TIAM1: variants seen among roughly 807,000 people sequenced by gnomAD.
TIAM1 encodes the protein TIAM Rac1 associated GEF 1, also known as rho guanine nucleotide exchange factor TIAM1.
In TIAM1, 65 loss-of-function variants were observed where a neutral mutation model predicts 163.5. That is an observed-to-expected ratio of 0.40 (90% CI 0.33 to 0.49). The LOEUF (loss-of-function observed/expected upper bound fraction) is 0.49, where lower values mean the gene tolerates loss of function less well. Ranked by LOEUF, TIAM1 falls within the 20% of genes least tolerant of loss-of-function variation. The pLI, the probability that TIAM1 is intolerant of heterozygous loss-of-function variation, is 0.77. For missense variants in TIAM1, 1,789 were observed against 2,044.7 expected (o/e 0.87, Z 2.41); for synonymous variants, 833 against 810.1 (o/e 1.03, Z -0.48).
intron 14 of TIAM1, among the ~76,000 whole-genome samples, chr21:31,183,218 T>C (rs1378148953): frequency 6.6e-6 from 1 of 152,208 alleles, no homozygotes; most frequent in Non-Finnish European, 1.5e-5. Flanking sequence ...TTGTTTTGTT[T>C]TCAAACTACA....
chr21:31,533,611 T>C (rs1238189779), intron 1 of TIAM1, among the ~76,000 whole-genome samples: 1 of 152,010 alleles, frequency 6.6e-6, no homozygotes, highest in Non-Finnish European at 1.5e-5. Context: ...TACACACCTG[T>C]AGTCTCAGCT....
In TIAM1 at chr21:31,175,495, G is replaced by A. The variant is rs1414104900; in HGVS notation, c.2887+6926C>T. On this transcript the variant is annotated intron_variant, in intron 15 of 27. Coordinates refer to ENST00000541036, the MANE Select transcript of TIAM1 (RefSeq NM_001353694.2). ...AAAGCTGAGGTTTTGCATAATTACT[G>A]TTACATAATTCCATTTATTTTTTCT... Among the ~76,000 whole-genome samples, 4 of 152,134 alleles carry A rather than the reference G, an allele frequency of 2.6e-5. No homozygotes were observed. In the East Asian group the frequency reaches 5.8e-4, roughly 22 times the overall value.
intron 16 of TIAM1, among the ~76,000 whole-genome samples, chr21:31,159,564 A>G (rs769892441): frequency 2.0e-5 from 3 of 152,196 alleles, no homozygotes; most frequent in Non-Finnish European, 4.4e-5. Flanking sequence ...TTTTGGGGAC[A>G]ATGCGCTCCA....
chr21:31,546,049 G>C (rs2048475638), intron 1 of TIAM1, among the ~76,000 whole-genome samples: 1 of 145,084 alleles, frequency 6.9e-6, no homozygotes, highest in Admixed American at 7.0e-5. Flanking sequence ...TACAGGAAGA[G>C]AAAAAAATTG....
chr21:31,458,445 A>C (rs529467921), intron 2 of TIAM1, among the ~76,000 whole-genome samples: 3 of 152,234 alleles, frequency 2.0e-5, no homozygotes, highest in Admixed American at 2.0e-4. Flanking sequence ...AAGAAAAAGA[A>C]AAAAGAAAAC....
chr21:31,242,197 G>GA (rs2071218179), intron 6 of TIAM1, among the ~76,000 whole-genome samples: 2 of 152,240 alleles, frequency 1.3e-5, no homozygotes, highest in South Asian at 4.1e-4. Flanking sequence ...ATTAAATAGA[G>GA]AATATCAATA....
At chr21:31,346,965 T>C (rs1397239102), upstream of TIAM1, among the ~76,000 whole-genome samples, 1 of 152,124 alleles carries the variant, frequency 6.6e-6, no homozygotes. Flanking sequence ...AGAAGAGCTT[T>C]TTGTTGTTAC....
At chr21:31,287,943 G>C (rs141229721) in intron 2 of TIAM1, among the ~76,000 whole-genome samples, 210 of 152,212 alleles carry the variant, frequency 1.4e-3, no homozygotes, top group African/African-American at 4.6e-3. Flanking sequence ...TGAGTGCCTT[G>C]GAGTAGTGAG....
At chr21:31,212,165 C>T (rs2086916279) in intron 10 of TIAM1, among the ~76,000 whole-genome samples, 1 of 152,108 alleles carries the variant, frequency 6.6e-6, no homozygotes, top group African/African-American at 2.4e-5. Context: ...TAGCATCATT[C>T]ATGAGTAGTT....
At chr21:31,453,943 C>T (rs573990101) in intron 2 of TIAM1, among the ~76,000 whole-genome samples, 4 of 152,104 alleles carry the variant, frequency 2.6e-5, no homozygotes, top group African/African-American at 7.2e-5. Flanking sequence ...CACTCCAGCA[C>T]GAGCTGTTAT....
chr21:31,307,537 C>G (rs2146976214), intron 2 of TIAM1, among the ~76,000 whole-genome samples: 1 of 152,352 alleles, frequency 6.6e-6, no homozygotes, highest in Admixed American at 6.5e-5. Context: ...AGTCCCGGAT[C>G]TACCCCGGAG....
intron 5 of TIAM1, among the ~76,000 whole-genome samples, chr21:31,246,840 T>TC (rs1468588850): frequency 6.6e-6 from 1 of 152,166 alleles, no homozygotes; most frequent in Non-Finnish European, 1.5e-5. Context: ...ACATTTTTTT[T>TC]CTCTTGGTAC....
intron 2 of TIAM1, among the ~76,000 whole-genome samples, chr21:31,279,115 AC>A (rs1809645221): frequency 2.0e-5 from 3 of 152,034 alleles, no homozygotes; most frequent in Admixed American, 2.0e-4. Flanking sequence ...TAGTCCCTGA[AC>A]AAAAAAATAT....
intron 2 of TIAM1, among the ~76,000 whole-genome samples, chr21:31,354,000 G>A (rs772853624): frequency 2.0e-5 from 3 of 151,660 alleles, no homozygotes; most frequent in Non-Finnish European, 2.9e-5. Flanking sequence ...AACAAGCCCA[G>A]CTAATTTGTG....
chr21:31,439,473 A>G (rs2044342678), intron 2 of TIAM1, among the ~76,000 whole-genome samples: 1 of 152,166 alleles, frequency 6.6e-6, no homozygotes, highest in Admixed American at 6.6e-5. Context: ...TATTTTTACT[A>G]GAGACAGTGT....
intron 1 of TIAM1, among the ~76,000 whole-genome samples, chr21:31,527,634 TC>T (rs1448439784): frequency 2.6e-5 from 4 of 152,006 alleles, no homozygotes; most frequent in Admixed American, 2.0e-4. Context: ...GTTAAGACAT[TC>T]CCAGAGGGAA....
chr21:31,532,601 CT>C (rs2048005594), intron 1 of TIAM1, among the ~76,000 whole-genome samples: 1 of 152,176 alleles, frequency 6.6e-6, no homozygotes. Context: ...AAATTCCTAT[CT>C]TTCCAATATG....
At chr21:31,296,357 C>G (rs2074265728) in intron 2 of TIAM1, among the ~76,000 whole-genome samples, 1 of 152,062 alleles carries the variant, frequency 6.6e-6, no homozygotes, top group South Asian at 2.1e-4. Context: ...CAGATAATTT[C>G]AAATTTTCGA....
chr21:31,418,969 G>A (rs962646418), intron 2 of TIAM1, among the ~76,000 whole-genome samples: 1 of 152,142 alleles, frequency 6.6e-6, no homozygotes. Flanking sequence ...GTAATCCTAG[G>A]TTGAAGATGT....
Sources: gnomAD v4.1 joint callset for allele counts (sites outside exome capture counted in the v4.1 genomes callset) on GRCh38, gnomAD v4.1.1 for gene constraint, MANE v1.5 for transcripts, NCBI Gene and HGNC (gene_info 2026-07-23, HGNC 2026-07-21) for gene names.